RANBP2: variants seen among roughly 807,000 people sequenced by gnomAD.
RANBP2 encodes RAN binding protein 2.
In RANBP2, 57 loss-of-function variants were observed where a neutral mutation model predicts 303.6. That is an observed-to-expected ratio of 0.19 (90% confidence interval 0.15 to 0.23). The LOEUF (loss-of-function observed/expected upper bound fraction) is 0.23, where lower values mean the gene tolerates loss of function less well. RANBP2 is among the 10% of genes least tolerant of loss of function. The pLI, the probability that RANBP2 is intolerant of heterozygous loss-of-function variation, is 1.00. For synonymous variants in RANBP2, 1,167 were observed against 1,301.5 expected (o/e 0.90, Z 2.23); for missense variants, 3,138 against 3,780.8 (o/e 0.83, Z 4.46).
At chr2:109,674,299 C>T in the RANBP2 span, among the ~76,000 whole-genome samples, 1 of 149,478 alleles carries the variant, frequency 6.7e-6, no homozygotes, top group African/African-American at 2.5e-5. Flanking sequence ...AATATTTCCT[C>T]ATCACAAAAT....
At chr2:109,327,685 TG>T in the RANBP2 span, among the ~76,000 whole-genome samples, 6 of 152,248 alleles carry the variant, frequency 3.9e-5, no homozygotes, top group Non-Finnish European at 5.9e-5. Flanking sequence ...ATAAAGGAAA[TG>T]TACATGTTTG....
At chr2:108,962,735 G>A in the RANBP2 span, among the ~76,000 whole-genome samples, 1 of 149,184 alleles carries the variant, frequency 6.7e-6, no homozygotes, top group Non-Finnish European at 1.5e-5. Flanking sequence ...GGCCTCCCAT[G>A]CCAAGGCCAA....
chr2:109,436,478 GA>G, the RANBP2 span, among the ~76,000 whole-genome samples: 3 of 152,250 alleles, frequency 2.0e-5, no homozygotes, highest in Non-Finnish European at 4.4e-5. Context: ...GTCGTGCCCA[GA>G]GGGGGCCCGC....
At chr2:109,002,698 C>T in the RANBP2 span, among the ~76,000 whole-genome samples, 4 of 152,180 alleles carry the variant, frequency 2.6e-5, no homozygotes, top group Non-Finnish European at 5.9e-5. Context: ...GGTTCTAAAG[C>T]TAGACCTGCC....
the RANBP2 span, among the ~76,000 whole-genome samples, chr2:109,498,100 C>A: frequency 2.6e-5 from 4 of 152,178 alleles, no homozygotes; most frequent in Non-Finnish European, 4.4e-5. Flanking sequence ...CAGCAGGAAG[C>A]CCTCACAGAG....
At chr2:109,670,793 A>G in the RANBP2 span, among the ~76,000 whole-genome samples, 1 of 151,774 alleles carries the variant, frequency 6.6e-6, no homozygotes, top group African/African-American at 2.4e-5. Flanking sequence ...GGGGAATCAC[A>G]AGGGGACAGG....
chr2:109,378,166 C>T, the RANBP2 span, among the ~76,000 whole-genome samples: 12 of 152,352 alleles, frequency 7.9e-5, no homozygotes, highest in South Asian at 4.1e-4. Context: ...CTCTCTCCTC[C>T]GCAGCACCTC....
the RANBP2 span, among the ~76,000 whole-genome samples, chr2:109,444,373 G>A: frequency 6.6e-6 from 1 of 152,242 alleles, no homozygotes; most frequent in Non-Finnish European, 1.5e-5. Flanking sequence ...GCCAAGTGCT[G>A]AAGCACTGGC....
chr2:108,813,868 G>A, the RANBP2 span, among the ~76,000 whole-genome samples: 2 of 152,142 alleles, frequency 1.3e-5, no homozygotes, highest in East Asian at 1.9e-4. Flanking sequence ...ATTGTATTGT[G>A]TGTACTTGTT....
At chr2:109,512,272 G>A in the RANBP2 span, among the ~76,000 whole-genome samples, 1 of 152,036 alleles carries the variant, frequency 6.6e-6, no homozygotes, top group Non-Finnish European at 1.5e-5. Flanking sequence ...GGCCCCATGT[G>A]TCCCGGCCCT....
At chr2:108,805,076 T>C in the RANBP2 span, 3 of 883,946 alleles carry the variant, frequency 3.4e-6, no homozygotes, top group East Asian at 9.9e-5. Context: ...TATAACAAAT[T>C]AAAGTCAGCC....
chr2:109,164,161 G>GCCTCC, the RANBP2 span, among the ~76,000 whole-genome samples: 7 of 152,034 alleles, frequency 4.6e-5, no homozygotes. Flanking sequence ...AAACTCTGAT[G>GCCTCC]CCTCTCTCTT....
At chr2:109,252,774 C>T in the RANBP2 span, among the ~76,000 whole-genome samples, 12 of 152,152 alleles carry the variant, frequency 7.9e-5, no homozygotes, top group Admixed American at 2.0e-4. Flanking sequence ...AACACAAAGC[C>T]TGTTGTATAA....
chr2:109,009,871 G>A, the RANBP2 span, among the ~76,000 whole-genome samples: 1 of 151,938 alleles, frequency 6.6e-6, no homozygotes, highest in Non-Finnish European at 1.5e-5. Flanking sequence ...TCGTCTCTGC[G>A]CTGTTTGGTT....
the RANBP2 span, among the ~76,000 whole-genome samples, chr2:109,478,004 C>T: frequency 0.46 from 69,896 of 151,626 alleles, 17,912 homozygotes; most frequent in Non-Finnish European, 0.56. Flanking sequence ...CCCCACTGCT[C>T]ATGAAATATT....
the RANBP2 span, among the ~76,000 whole-genome samples, chr2:109,704,583 C>T: frequency 2.0e-5 from 3 of 151,854 alleles, no homozygotes; most frequent in Non-Finnish European, 2.9e-5. Flanking sequence ...GGCGTGGTGG[C>T]TCAGGCCTGT....
the RANBP2 span, among the ~76,000 whole-genome samples, chr2:109,579,128 T>C: frequency 6.6e-6 from 1 of 152,174 alleles, no homozygotes; most frequent in South Asian, 2.1e-4. Context: ...AATAAAAAGA[T>C]ATTAAGAGTA....
the RANBP2 span, among the ~76,000 whole-genome samples, chr2:108,800,698 A>T: frequency 8.7e-6 from 1 of 114,348 alleles, no homozygotes; most frequent in Non-Finnish European, 1.7e-5. Flanking sequence ...ACACATGTAT[A>T]CATGTGCCAT....
the RANBP2 span, among the ~76,000 whole-genome samples, chr2:109,292,037 G>T: frequency 6.6e-6 from 1 of 152,044 alleles, no homozygotes; most frequent in African/African-American, 2.4e-5. Context: ...CTAATTTTTT[G>T]TATTTTTAGT....
Sources: gnomAD v4.1 joint callset for allele counts (sites outside exome capture counted in the v4.1 genomes callset) on GRCh38, gnomAD v4.1.1 for gene constraint, MANE v1.5 for transcripts, NCBI Gene and HGNC (gene_info 2026-07-23, HGNC 2026-07-21) for gene names.